The following LRFN2 variants were observed in gnomAD, a reference collection of about 807,000 sequenced individuals.
The protein encoded by LRFN2 is leucine-rich repeat and fibronectin type-III domain-containing protein 2.
A neutral mutation model predicts 37.3 loss-of-function variants in LRFN2; 18 were observed. That is an observed-to-expected ratio of 0.48 (90% CI 0.33 to 0.72). The LOEUF (loss-of-function observed/expected upper bound fraction) is 0.72. Among genes scored for constraint, LRFN2 ranks in the 30% least tolerant of loss-of-function variants. The pLI is 0.02. For missense variants in LRFN2, 1,006 were observed against 1,060.7 expected (o/e 0.95, Z 0.72); for synonymous variants, 556 against 466.6 (o/e 1.19, Z -2.47).
rs1029964321 is a variant in LRFN2 at position 40,581,370 on chromosome 6, G to A, written c.-19+5571C>T. ...TCTAAACCACAGGCGAGGACAGGAA[G>A]ACAGAGGGGACGGCCAAAGTCACAC... On this transcript the variant is annotated intron_variant, in intron 1 of 2. Coordinates refer to ENST00000338305, the MANE Select transcript of LRFN2 (RefSeq NM_020737.3). Among the ~76,000 whole-genome samples the A allele has an allele frequency of 9.8e-5, 15 of 152,328 alleles. No individual in the cohort carries two copies. In the South Asian group the frequency reaches 1.9e-3, roughly 19 times the overall value.
chr6:40,467,092 T>C (rs1764486975), intron 1 of LRFN2, among the ~76,000 whole-genome samples: 1 of 152,062 alleles, frequency 6.6e-6, no homozygotes, highest in Non-Finnish European at 1.5e-5. Context: ...ATTTGTATTG[T>C]TTAAACCACC....
intron 1 of LRFN2, among the ~76,000 whole-genome samples, chr6:40,519,517 G>T (rs1397538664): frequency 6.6e-6 from 1 of 152,220 alleles, no homozygotes; most frequent in Non-Finnish European, 1.5e-5. Flanking sequence ...AGATTCAAGA[G>T]ACCTCATAGG....
chr6:40,563,362 C>T (rs1767034929), intron 1 of LRFN2, among the ~76,000 whole-genome samples: 1 of 152,134 alleles, frequency 6.6e-6, no homozygotes, highest in Non-Finnish European at 1.5e-5. Context: ...GGGGGGCCCT[C>T]CAGGGTCCTG....
intron 1 of LRFN2, among the ~76,000 whole-genome samples, chr6:40,557,993 G>A (rs6906223): frequency 0.47 from 72,079 of 151,942 alleles, 18,138 homozygotes; most frequent in African/African-American, 0.65. Flanking sequence ...GCAAGGATTC[G>A]CTTGTCCACT....
intron 2 of LRFN2, among the ~76,000 whole-genome samples, chr6:40,428,685 G>T (rs960192221): frequency 2.0e-5 from 3 of 152,216 alleles, no homozygotes; most frequent in Middle Eastern, 3.4e-3. Flanking sequence ...AATTCTCTTG[G>T]TCTTTTATGC....
Position 40,392,112 on chromosome 6 carries a change from G to A in LRFN2, c.2201C>T (p.Ala734Val), listed in dbSNP as rs1023063963. The A allele has an allele frequency of 9.3e-6, 15 of 1,612,858 alleles. No individual in the cohort carries two copies. The African/African-American group carries it at 1.9e-4, about 20-fold the overall frequency. Reference sequence around the variant, plus strand: ...GTAGCCGCCCGGCACGACCCCTCCCGCCGCCGCAGCAGCAAAGTCCCCCAT... The same window carrying A: ...GTAGCCGCCCGGCACGACCCCTCCCACCGCCGCAGCAGCAAAGTCCCCCAT... ...FDMGDFAAAA[A>V]GGVVPGGYSP... Residue 734 changes from alanine to valine, a missense_variant, in exon 3 of 3, where the codon GCG becomes GTG. Around this residue, in one of 4 missense-constraint regions of LRFN2, gnomAD observed 398 missense variants for 327.6 expected, o/e 1.21. Coordinates refer to ENST00000338305, the MANE Select transcript of LRFN2 (RefSeq NM_020737.3). This position sits in a 1 kb window ranked among gnomAD's most constrained non-coding sequence, Gnocchi z 4.7.
intron 1 of LRFN2, among the ~76,000 whole-genome samples, chr6:40,505,589 T>G (rs974951289): frequency 1.3e-5 from 2 of 152,014 alleles, no homozygotes; most frequent in African/African-American, 4.8e-5. Context: ...CTTGCCTGGG[T>G]GGGATGAGGA....
At chr6:40,458,185 A>T (rs1764273847) in intron 1 of LRFN2, among the ~76,000 whole-genome samples, 1 of 152,232 alleles carries the variant, frequency 6.6e-6, no homozygotes, top group African/African-American at 2.4e-5. Flanking sequence ...AACCCTGCCC[A>T]GCCTTCATTC....
intron 1 of LRFN2, among the ~76,000 whole-genome samples, chr6:40,489,902 T>C (rs1266594865): frequency 1.3e-5 from 2 of 152,086 alleles, no homozygotes; most frequent in Non-Finnish European, 2.9e-5. Context: ...CCCCAGCTCA[T>C]CTCCCCACTT....
chr6:40,470,565 G>T (rs535273602), intron 1 of LRFN2, among the ~76,000 whole-genome samples: 1 of 151,656 alleles, frequency 6.6e-6, no homozygotes, highest in Non-Finnish European at 1.5e-5. Context: ...AGCTGAGATC[G>T]TGTCCCTGCA....
chr6:40,519,311 A>G (rs182937406), intron 1 of LRFN2, among the ~76,000 whole-genome samples: 128 of 152,322 alleles, frequency 8.4e-4, no homozygotes, highest in Non-Finnish European at 1.1e-3. Context: ...CTATATTGAT[A>G]AGCAGTGGGA....
chr6:40,401,850 C>G (rs953804941), intron 2 of LRFN2, among the ~76,000 whole-genome samples: 1 of 152,162 alleles, frequency 6.6e-6, no homozygotes, highest in Non-Finnish European at 1.5e-5. Flanking sequence ...TCTCCTCCCT[C>G]CATCAGTGAT....
chr6:40,405,344 C>T (rs1026258910), intron 2 of LRFN2, among the ~76,000 whole-genome samples: 8 of 152,142 alleles, frequency 5.3e-5, no homozygotes, highest in Non-Finnish European at 1.0e-4. Flanking sequence ...GCTGTAATAC[C>T]TTATCTTGGG....
At chr6:40,515,649 G>T (rs557082877) in intron 1 of LRFN2, among the ~76,000 whole-genome samples, 2 of 152,166 alleles carry the variant, frequency 1.3e-5, no homozygotes, top group Admixed American at 6.5e-5. Flanking sequence ...AGCACTTTGG[G>T]AGGCCAAGGC....
chr6:40,515,112 T>G (rs577064838), intron 1 of LRFN2, among the ~76,000 whole-genome samples: 1 of 152,328 alleles, frequency 6.6e-6, no homozygotes, highest in South Asian at 2.1e-4. Flanking sequence ...TGAGTTTATT[T>G]TTACTGTAGT....
At chr6:40,555,748 T>C (rs1766863439) in intron 1 of LRFN2, among the ~76,000 whole-genome samples, 1 of 152,152 alleles carries the variant, frequency 6.6e-6, no homozygotes, top group Admixed American at 6.5e-5. Flanking sequence ...GCAGGAAGCC[T>C]TGCCACACTG....
intron 1 of LRFN2, among the ~76,000 whole-genome samples, chr6:40,471,531 C>T (rs1764595020): frequency 6.6e-6 from 1 of 152,106 alleles, no homozygotes; most frequent in Non-Finnish European, 1.5e-5. Flanking sequence ...CCAGCTGGCC[C>T]GGTTCAAATT....
At chr6:40,469,177 T>C (rs1764540412) in intron 1 of LRFN2, among the ~76,000 whole-genome samples, 1 of 152,000 alleles carries the variant, frequency 6.6e-6, no homozygotes, top group East Asian at 1.9e-4. Context: ...GGGGTTGGAA[T>C]GAGGCAGCCA....
intron 1 of LRFN2, among the ~76,000 whole-genome samples, chr6:40,459,761 C>T (rs1015742030): frequency 6.6e-6 from 1 of 152,194 alleles, no homozygotes; most frequent in Admixed American, 6.5e-5. Context: ...AGACACACAG[C>T]AAAGACTTGT....
Sources: gnomAD v4.1 joint callset for allele counts (sites outside exome capture counted in the v4.1 genomes callset) on GRCh38, gnomAD v4.1.1 for gene constraint, gnomAD v4.1.1 regional missense constraint, Gnocchi (gnomAD v3.1) non-coding constraint, MANE v1.5 for transcripts, NCBI Gene and HGNC (gene_info 2026-07-23, HGNC 2026-07-21) for gene names.